Variants in RPH3A observed in about 807,000 individuals in gnomAD.
RPH3A encodes the protein rabphilin-3A.
Under a neutral mutation model 102.2 loss-of-function variants are expected in RPH3A, and 48 were observed. The observed-to-expected ratio is 0.47, with a 90% CI of 0.37 to 0.60. The LOEUF is 0.60. RPH3A is among the 20% of genes least tolerant of loss of function. The pLI, the probability that RPH3A is intolerant of heterozygous loss-of-function variation, is 0.00. For missense variants in RPH3A, 781 were observed against 910.1 expected (o/e 0.86, Z 1.83); for synonymous variants, 310 against 324.3 (o/e 0.96, Z 0.47).
chr12:112,797,877 G>A (rs1331555732), intron 2 of RPH3A, among the ~76,000 whole-genome samples: 1 of 152,020 alleles, frequency 6.6e-6, no homozygotes, highest in Non-Finnish European at 1.5e-5. Flanking sequence ...TTTGTGAAAT[G>A]GAGATCTCTC....
At chr12:112,817,248 C>T (rs967453321) in intron 2 of RPH3A, among the ~76,000 whole-genome samples, 1 of 152,102 alleles carries the variant, frequency 6.6e-6, no homozygotes, top group Non-Finnish European at 1.5e-5. Context: ...CTCTTTTTAG[C>T]CCTGTTTCCC....
At chr12:112,800,483 T>C (rs2041322518) in intron 2 of RPH3A, among the ~76,000 whole-genome samples, 1 of 152,104 alleles carries the variant, frequency 6.6e-6, no homozygotes, top group Non-Finnish European at 1.5e-5. Context: ...GAGTCTGGGT[T>C]CGATTTTATT....
At chr12:112,753,006 A>G (rs570569089) in intron 1 of RPH3A, among the ~76,000 whole-genome samples, 1 of 140,250 alleles carries the variant, frequency 7.1e-6, no homozygotes, top group Non-Finnish European at 1.5e-5. Flanking sequence ...TAAACAGTGC[A>G]GTGAATATCC....
chr12:112,810,584 C>T (rs1025773593), intron 2 of RPH3A, among the ~76,000 whole-genome samples: 4 of 152,206 alleles, frequency 2.6e-5, no homozygotes, highest in African/African-American at 9.6e-5. Context: ...TCTGCCTCCA[C>T]AAAAGTGATG....
At chr12:112,855,401 C>T (rs1285964455) in intron 5 of RPH3A, among the ~76,000 whole-genome samples, 1 of 152,206 alleles carries the variant, frequency 6.6e-6, no homozygotes, top group African/African-American at 2.4e-5. Context: ...CAGCACCTTG[C>T]CCAGCATGGA....
chr12:112,708,459 T>C (rs2040439578), intron 1 of RPH3A, among the ~76,000 whole-genome samples: 2 of 152,164 alleles, frequency 1.3e-5, no homozygotes, highest in African/African-American at 2.4e-5. Context: ...GATGCCAAAA[T>C]GGGGGCGTAC....
intron 1 of RPH3A, among the ~76,000 whole-genome samples, chr12:112,710,119 C>T (rs1341896456): frequency 6.6e-6 from 1 of 151,870 alleles, no homozygotes; most frequent in South Asian, 2.1e-4. Context: ...GGACTACAGG[C>T]GCCCGCCACT....
chr12:112,718,063 C>T (rs559462290), intron 1 of RPH3A: 28 of 152,224 alleles, frequency 1.8e-4, no homozygotes, highest in African/African-American at 6.7e-4. Flanking sequence ...CAAATTGAAC[C>T]CTTTCCCCTT....
chr12:112,859,708 T>G (rs191620711), intron 5 of RPH3A, among the ~76,000 whole-genome samples: 1 of 152,332 alleles, frequency 6.6e-6, no homozygotes, highest in East Asian at 1.9e-4. Context: ...CTTTCCTGTT[T>G]CTTAAAGTGT....
At chr12:112,693,993 T>G (rs556194475) in intron 1 of RPH3A, among the ~76,000 whole-genome samples, 1 of 152,322 alleles carries the variant, frequency 6.6e-6, no homozygotes, top group South Asian at 2.1e-4. Flanking sequence ...GCTTTCTAAC[T>G]GGTATCTAAT....
chr12:112,674,552 C>T (rs1162622368), intron 1 of RPH3A, among the ~76,000 whole-genome samples: 2 of 152,146 alleles, frequency 1.3e-5, no homozygotes, highest in Non-Finnish European at 2.9e-5. Flanking sequence ...GCTCTGCCAC[C>T]TTATGACTTT....
intron 1 of RPH3A, among the ~76,000 whole-genome samples, chr12:112,597,551 T>C (rs897442944): frequency 6.6e-6 from 1 of 152,120 alleles, no homozygotes; most frequent in Non-Finnish European, 1.5e-5. Flanking sequence ...GAGATGTGGT[T>C]GTGCCTTGGC....
At chr12:112,797,457 C>T (rs963908885) in intron 2 of RPH3A, among the ~76,000 whole-genome samples, 5 of 152,060 alleles carry the variant, frequency 3.3e-5, no homozygotes, top group African/African-American at 7.2e-5. Flanking sequence ...TCTTGATGCC[C>T]GGAGTCATCT....
intron 1 of RPH3A, among the ~76,000 whole-genome samples, chr12:112,587,731 C>G (rs1446567491): frequency 6.6e-6 from 1 of 152,102 alleles, no homozygotes; most frequent in Non-Finnish European, 1.5e-5. Flanking sequence ...AGAGTAGAGA[C>G]TTTGTCTTGG....
chr12:112,613,648 A>T (rs1257539169), intron 1 of RPH3A, among the ~76,000 whole-genome samples: 3 of 152,106 alleles, frequency 2.0e-5, no homozygotes, highest in Non-Finnish European at 2.9e-5. Context: ...AAAAACAAAC[A>T]AAATTAGCCA....
At chr12:112,682,133 A>G (rs560239436) in intron 1 of RPH3A, among the ~76,000 whole-genome samples, 1 of 152,292 alleles carries the variant, frequency 6.6e-6, no homozygotes, top group South Asian at 2.1e-4. Context: ...AACAGAACTG[A>G]TAGTGTATAT....
intron 2 of RPH3A, among the ~76,000 whole-genome samples, chr12:112,822,038 A>G (rs2041790340): frequency 6.6e-6 from 1 of 151,476 alleles, no homozygotes. Flanking sequence ...GTTCATGGAC[A>G]CTCGTGCTTC....
At chr12:112,632,233 C>A (rs2039812514) in intron 1 of RPH3A, among the ~76,000 whole-genome samples, 1 of 152,154 alleles carries the variant, frequency 6.6e-6, no homozygotes, top group South Asian at 2.1e-4. Context: ...ACTACAAGTC[C>A]ATTAAACCTC....
chr12:112,656,952 G>C (rs866467028), intron 1 of RPH3A, among the ~76,000 whole-genome samples: 9 of 151,886 alleles, frequency 5.9e-5, no homozygotes, highest in Middle Eastern at 3.2e-3. Context: ...TTTATTTTTT[G>C]GGGGTAGATA....
Sources: allele counts gnomAD v4.1 joint callset (sites outside exome capture counted in the v4.1 genomes callset), GRCh38; gene constraint gnomAD v4.1.1; transcripts MANE v1.5; gene names NCBI Gene and HGNC (gene_info 2026-07-23, HGNC 2026-07-21).